CSTPP1: variants seen among roughly 807,000 people sequenced by gnomAD.
CSTPP1 encodes the protein centriolar satellite-associated tubulin polyglutamylase complex regulator 1.
At chr11:46,994,490 T>C in the CSTPP1 span, among the ~76,000 whole-genome samples, 4 of 152,336 alleles carry the variant, frequency 2.6e-5, no homozygotes, top group South Asian at 4.1e-4. Flanking sequence ...CAGGAAGGGC[T>C]GTTGAATTTT....
the CSTPP1 span, among the ~76,000 whole-genome samples, chr11:47,107,902 A>G: frequency 6.6e-6 from 1 of 152,298 alleles, no homozygotes; most frequent in South Asian, 2.1e-4. Context: ...ATGAGGAATC[A>G]CTGTACCTTG....
chr11:47,042,023 C>A, the CSTPP1 span: 1 of 177,596 alleles, frequency 5.6e-6, no homozygotes, highest in East Asian at 1.3e-4. Context: ...GGAAGTGAGA[C>A]CCCATCTCTA....
At chr11:47,077,509 G>A in the CSTPP1 span, among the ~76,000 whole-genome samples, 1 of 152,112 alleles carries the variant, frequency 6.6e-6, no homozygotes. Flanking sequence ...CGAGGATAAA[G>A]ATTTTTAGAT....
At chr11:47,161,063 G>C in the CSTPP1 span, 1 of 1,600,898 alleles carries the variant, frequency 6.2e-7, no homozygotes, top group Non-Finnish European at 8.6e-7. Context: ...GAGGGGCATG[G>C]AGGAATCTGT....
the CSTPP1 span, among the ~76,000 whole-genome samples, chr11:46,938,738 T>TTGTATGGA: frequency 6.6e-6 from 1 of 151,832 alleles, no homozygotes; most frequent in Non-Finnish European, 1.5e-5. Context: ...TAATATTCCA[T>TTGTATGGA]TGTATGGATG....
the CSTPP1 span, among the ~76,000 whole-genome samples, chr11:47,158,231 G>C: frequency 1.4e-4 from 22 of 152,078 alleles, no homozygotes; most frequent in Non-Finnish European, 2.6e-4. Context: ...CTGCAGGTCG[G>C]GCAGACACAG....
At chr11:47,112,855 T>A in the CSTPP1 span, among the ~76,000 whole-genome samples, 142 of 152,314 alleles carry the variant, frequency 9.3e-4, no homozygotes, top group African/African-American at 3.3e-3. Context: ...TTTATTTTTA[T>A]TATATTTTAA....
the CSTPP1 span, among the ~76,000 whole-genome samples, chr11:46,962,947 C>G: frequency 6.6e-6 from 1 of 152,052 alleles, no homozygotes; most frequent in African/African-American, 2.4e-5. Flanking sequence ...GGAGTGAGAC[C>G]CTGTCCAAAA....
chr11:47,112,007 T>C, the CSTPP1 span, among the ~76,000 whole-genome samples: 1 of 152,214 alleles, frequency 6.6e-6, no homozygotes, highest in Non-Finnish European at 1.5e-5. Flanking sequence ...TTTTGGCTCC[T>C]GCCATGTTGG....
the CSTPP1 span, among the ~76,000 whole-genome samples, chr11:47,157,498 ACTC>A: frequency 1.3e-5 from 2 of 152,036 alleles, no homozygotes; most frequent in African/African-American, 4.8e-5. Flanking sequence ...AGGAAAGAGT[ACTC>A]CTTGTATAAA....
chr11:46,957,385 G>A, the CSTPP1 span, among the ~76,000 whole-genome samples: 1 of 151,998 alleles, frequency 6.6e-6, no homozygotes, highest in African/African-American at 2.4e-5. Flanking sequence ...TCTGAGAAAG[G>A]GTGCATGCAA....
At chr11:46,976,925 C>T in the CSTPP1 span, among the ~76,000 whole-genome samples, 1 of 152,142 alleles carries the variant, frequency 6.6e-6, no homozygotes, top group East Asian at 1.9e-4. Flanking sequence ...TTTAAGTGGA[C>T]CCAAGCTATT....
At chr11:47,161,892 AG>A in the CSTPP1 span, 1 of 1,280,246 alleles carries the variant, frequency 7.8e-7, no homozygotes, top group Non-Finnish European at 9.9e-7. Context: ...GACTGTGCTG[AG>A]GCCACCTTGT....
At chr11:46,949,597 A>G in the CSTPP1 span, among the ~76,000 whole-genome samples, 1 of 152,188 alleles carries the variant, frequency 6.6e-6, no homozygotes, top group Non-Finnish European at 1.5e-5. Flanking sequence ...ACTTAGAAGG[A>G]AAAGAAGTGG....
At chr11:47,057,564 G>T in the CSTPP1 span, among the ~76,000 whole-genome samples, 3 of 152,138 alleles carry the variant, frequency 2.0e-5, no homozygotes, top group African/African-American at 7.2e-5. Context: ...TGGGGGCTGT[G>T]GATTCTGAGA....
chr11:47,076,383 C>T, the CSTPP1 span, among the ~76,000 whole-genome samples: 1 of 152,134 alleles, frequency 6.6e-6, no homozygotes, highest in African/African-American at 2.4e-5. Context: ...ACCAGGTTTC[C>T]GCCCATTCAT....
the CSTPP1 span, among the ~76,000 whole-genome samples, chr11:47,153,928 G>C: frequency 6.6e-6 from 1 of 152,050 alleles, no homozygotes; most frequent in Non-Finnish European, 1.5e-5. Flanking sequence ...AAATATGAGA[G>C]AGCAAAAGAA....
At chr11:47,082,490 C>CAG in the CSTPP1 span, among the ~76,000 whole-genome samples, 149,929 of 152,246 alleles carry the variant, frequency 0.98, 73,868 homozygotes, top group Middle Eastern at 1. Context: ...TGAAAATGAA[C>CAG]AGAGTTTATA....
the CSTPP1 span, among the ~76,000 whole-genome samples, chr11:47,147,723 C>A: frequency 2.6e-5 from 4 of 152,238 alleles, no homozygotes; most frequent in East Asian, 5.8e-4. Context: ...GTCAGAGAGG[C>A]CTGTATTTGA....
Sources: gnomAD v4.1 joint callset for allele counts (sites outside exome capture counted in the v4.1 genomes callset) on GRCh38, gnomAD v4.1.1 for gene constraint, MANE v1.5 for transcripts, NCBI Gene and HGNC (gene_info 2026-07-23, HGNC 2026-07-21) for gene names.